Variants in RAD51B observed in about 807,000 individuals in gnomAD.
RAD51B encodes the protein RAD51 paralog B.
In RAD51B, 38 loss-of-function variants were observed where a neutral mutation model predicts 42.2. The observed-to-expected ratio is 0.90, with a 90% CI of 0.70 to 1.18. The LOEUF (loss-of-function observed/expected upper bound fraction) is 1.18. Among genes scored for constraint, RAD51B ranks in the 50% most tolerant of loss-of-function variants. The probability of loss-of-function intolerance (pLI) is 0.00; values close to 1 mark genes in which losing one functional copy is unlikely to be tolerated. For synonymous variants in RAD51B, 154 were observed against 145.2 expected, an observed-to-expected ratio of 1.06 and a Z score of -0.43; for missense variants, 373 against 400.7, an observed-to-expected ratio of 0.93 and a Z score of 0.59.
intron 7 of RAD51B, among the ~76,000 whole-genome samples, chr14:67,996,444 A>AAATAAATT (rs2075386070): frequency 6.6e-6 from 1 of 151,510 alleles, no homozygotes; most frequent in African/African-American, 2.4e-5. Flanking sequence ...ATAAATAAAT[A>AAATAAATT]AATAAATAAA....
At chr14:68,448,898 A>G (rs2085487220) in intron 9 of RAD51B, among the ~76,000 whole-genome samples, 1 of 152,234 alleles carries the variant, frequency 6.6e-6, no homozygotes, top group African/African-American at 2.4e-5. Flanking sequence ...GTTGTGAAAA[A>G]AAAATCAAGC....
At chr14:67,917,348 G>T (rs1026434270) in intron 7 of RAD51B, among the ~76,000 whole-genome samples, 1 of 152,176 alleles carries the variant, frequency 6.6e-6, no homozygotes, top group Non-Finnish European at 1.5e-5. Flanking sequence ...GGTGGATGGC[G>T]AAGTGGGAGC....
chr14:68,113,260 A>G (rs1217875302), intron 7 of RAD51B, among the ~76,000 whole-genome samples: 2 of 152,132 alleles, frequency 1.3e-5, no homozygotes, highest in African/African-American at 4.8e-5. Flanking sequence ...AGTGTCTAAT[A>G]TCCATAATTA....
intron 8 of RAD51B, among the ~76,000 whole-genome samples, chr14:68,330,972 T>C (rs749758829): frequency 7.9e-5 from 12 of 152,146 alleles, no homozygotes; most frequent in Non-Finnish European, 1.5e-5. Flanking sequence ...TAATTTTGGA[T>C]CCAGAGAATA....
intron 7 of RAD51B, among the ~76,000 whole-genome samples, chr14:68,011,896 A>G (rs147925696): frequency 5.3e-5 from 8 of 152,224 alleles, no homozygotes; most frequent in African/African-American, 1.4e-4. Context: ...CCTGCCAAGA[A>G]TAATAAACAT....
intron 7 of RAD51B, among the ~76,000 whole-genome samples, chr14:68,254,258 G>T (rs867012644): frequency 3.9e-5 from 6 of 152,286 alleles, no homozygotes; most frequent in African/African-American, 1.2e-4. Flanking sequence ...TAAAAAAAGA[G>T]GTGCTGTCTC....
At chr14:67,825,792 C>T (rs1368887553) in intron 3 of RAD51B, among the ~76,000 whole-genome samples, 5 of 152,088 alleles carry the variant, frequency 3.3e-5, no homozygotes, top group African/African-American at 7.2e-5. Context: ...GGCAGTTGCA[C>T]GATCTCGGCT....
At chr14:68,345,179 CT>C (rs756125173) in intron 8 of RAD51B, among the ~76,000 whole-genome samples, 12 of 152,032 alleles carry the variant, frequency 7.9e-5, no homozygotes, top group Non-Finnish European at 1.6e-4. Context: ...AGACTTGGGA[CT>C]TTTGATTGAG....
chr14:68,370,748 A>T (rs561043099), intron 8 of RAD51B, among the ~76,000 whole-genome samples: 8 of 152,338 alleles, frequency 5.3e-5, no homozygotes, highest in South Asian at 2.1e-4. Flanking sequence ...AGTGTATTTT[A>T]AAAAATGAAG....
At chr14:68,554,421 C>G (rs1888725480) in intron 10 of RAD51B, among the ~76,000 whole-genome samples, 1 of 152,304 alleles carries the variant, frequency 6.6e-6, no homozygotes, top group East Asian at 1.9e-4. Context: ...ACACAGTCCT[C>G]CTGCCGGAGG....
chr14:68,439,176 A>ACACACACACACACTCTCT (rs1566885119), intron 9 of RAD51B, among the ~76,000 whole-genome samples: 1 of 80,628 alleles, frequency 1.2e-5, no homozygotes, highest in Non-Finnish European at 2.5e-5. Flanking sequence ...ACACACACAC[A>ACACACACACACACTCTCT]CACACACACA....
At chr14:68,608,575 G>T (rs1487264861) in intron 10 of RAD51B, among the ~76,000 whole-genome samples, 1 of 152,202 alleles carries the variant, frequency 6.6e-6, no homozygotes, top group Non-Finnish European at 1.5e-5. Context: ...GGCGGCTGCA[G>T]AGTACTCCTG....
At chr14:68,530,480 A>G (rs1352037026) in intron 10 of RAD51B, among the ~76,000 whole-genome samples, 2 of 150,334 alleles carry the variant, frequency 1.3e-5, no homozygotes, top group African/African-American at 4.9e-5. Context: ...GAGATAAAGA[A>G]AGAAAAAAAC....
intron 9 of RAD51B, among the ~76,000 whole-genome samples, chr14:68,440,772 A>G (rs2085267584): frequency 6.6e-6 from 1 of 152,120 alleles, no homozygotes; most frequent in Admixed American, 6.5e-5. Flanking sequence ...AAAGAAAGAA[A>G]GAAAGTAACC....
In RAD51B at chr14:68,664,887, T is replaced by C. The variant is rs752922093; in HGVS notation, c.*11+14031T>C. Among the ~76,000 whole-genome samples, 199 of 152,176 alleles carry C rather than the reference T, an allele frequency of 1.3e-3. 5 individuals carry two copies. The highest frequency in any genetic ancestry group is 3.4e-4 in the Non-Finnish European group (23 of 68,026). ...TCCATGACAAAAATGCCCTGGATTC[T>C]CAACCAGGGAGAGAAACTCCTCTTC... On this transcript the variant is annotated intron_variant, in intron 11 of 11. Coordinates refer to the RAD51B transcript ENST00000488612.
At chr14:68,476,991 C>G (rs1237019546) in intron 10 of RAD51B, among the ~76,000 whole-genome samples, 1 of 152,170 alleles carries the variant, frequency 6.6e-6, no homozygotes, top group African/African-American at 2.4e-5. Context: ...TCTTTTGTTG[C>G]TCTCCAAATC....
chr14:68,560,518 C>T (rs1889091785), intron 10 of RAD51B, among the ~76,000 whole-genome samples: 1 of 152,004 alleles, frequency 6.6e-6, no homozygotes, highest in Non-Finnish European at 1.5e-5. Context: ...GGCGGATCAC[C>T]TGAGGTCAGG....
At chr14:68,026,243 T>G (rs2075954574) in intron 7 of RAD51B, among the ~76,000 whole-genome samples, 2 of 152,152 alleles carry the variant, frequency 1.3e-5, no homozygotes, top group Non-Finnish European at 2.9e-5. Flanking sequence ...TTTGAATTTA[T>G]TGATACTTGC....
At chr14:67,873,828 T>A (rs1184862313) in intron 5 of RAD51B, among the ~76,000 whole-genome samples, 4 of 145,316 alleles carry the variant, frequency 2.8e-5, no homozygotes, top group African/African-American at 1.0e-4. Flanking sequence ...CTCAGTAAAC[T>A]ATCACAAGAA....
Sources: gnomAD v4.1 joint callset for allele counts (sites outside exome capture counted in the v4.1 genomes callset) on GRCh38, gnomAD v4.1.1 for gene constraint, MANE v1.5 for transcripts, NCBI Gene and HGNC (gene_info 2026-07-23, HGNC 2026-07-21) for gene names.